KIF5B: variants seen among roughly 807,000 people sequenced by gnomAD.
KIF5B encodes the protein kinesin family member 5B.
Under a neutral mutation model 132.8 loss-of-function variants are expected in KIF5B, and 49 were observed. The ratio of observed to expected loss-of-function variants is 0.37; its 90% CI spans 0.29 to 0.47. The LOEUF (loss-of-function observed/expected upper bound fraction) is 0.47, where lower values mean the gene tolerates loss of function less well. Among genes scored for constraint, KIF5B ranks in the 20% least tolerant of loss-of-function variants. The probability of loss-of-function intolerance (pLI) is 1.00; values close to 1 mark genes in which losing one functional copy is unlikely to be tolerated. For synonymous variants in KIF5B, 355 were observed against 369.4 expected (o/e 0.96, Z 0.45); for missense variants, 780 against 1,144.0 (o/e 0.68, Z 4.59).
At chr10:32,045,761 C>CTCTA (rs1841599862) in intron 2 of KIF5B, among the ~76,000 whole-genome samples, 1 of 152,166 alleles carries the variant, frequency 6.6e-6, no homozygotes, top group Admixed American at 6.5e-5. Flanking sequence ...TGGGCAAATA[C>CTCTA]TAGAGTCATG....
intron 25 of KIF5B, among the ~76,000 whole-genome samples, chr10:32,013,107 G>A (rs1344542197): frequency 6.6e-6 from 1 of 151,936 alleles, no homozygotes; most frequent in Non-Finnish European, 1.5e-5. Context: ...CTCCGTGTTG[G>A]TCAGGCTGGT....
chr10:32,028,715 G>T, intron 14 of KIF5B, 144 bp from the exon 15 acceptor site: 1 of 629,516 alleles, frequency 1.6e-6, no homozygotes, highest in Non-Finnish European at 2.6e-6. Context: ...TATCTACCAG[G>T]TTCTGGGCTC....
chr10:32,026,437 C>CAAAAAAAAAA lies in KIF5B; in HGVS notation c.1725+1981_1725+1990dup, dbSNP rs71027049. Among the ~76,000 whole-genome samples the CAAAAAAAAAA allele has an allele frequency of 1.6e-3, 78 of 48,926 alleles. 6 individuals are homozygous for CAAAAAAAAAA. Among genetic ancestry groups the CAAAAAAAAAA allele is most frequent in the East Asian group, 5.0e-3 (6 of 1,202 alleles). The allele number at this position is 48,926 out of a possible 152,430, so 32.1% of individuals were successfully genotyped here. On this transcript the variant is annotated intron_variant, in intron 15 of 25. Coordinates refer to ENST00000302418, the MANE Select transcript of KIF5B (RefSeq NM_004521.3). ...TGGGAGACACAGTGAGATTCCGTCT[C>CAAAAAAAAAA]AAAAAAAAAAAAAAAAAAAAAAAAG... is the stretch of plus-strand genomic sequence containing the variant.
intron 24 of KIF5B, 81 bp from the exon 25 acceptor site, chr10:32,015,740 C>T (rs1841150549): frequency 1.7e-6 from 2 of 1,169,496 alleles, no homozygotes; most frequent in Non-Finnish European, 2.4e-6. Context: ...TTCTCTTATT[C>T]ACAACAAATT....
At chr10:32,032,815 C>A in intron 12 of KIF5B, 41 bp from the exon 13 acceptor site, 1 of 1,479,804 alleles carries the variant, frequency 6.8e-7, no homozygotes, top group Non-Finnish European at 9.5e-7. Flanking sequence ...AGCTAACAAC[C>A]TGGTTCTAGT....
chr10:32,042,729 T>A (rs1841559277), intron 2 of KIF5B, among the ~76,000 whole-genome samples: 1 of 152,202 alleles, frequency 6.6e-6, no homozygotes, highest in Admixed American at 6.5e-5. Flanking sequence ...TCTGAACAAG[T>A]ATTACTTCTT....
chr10:32,020,409 T>C (rs922525772), intron 19 of KIF5B, among the ~76,000 whole-genome samples: 4 of 151,374 alleles, frequency 2.6e-5, no homozygotes, highest in African/African-American at 7.3e-5. Flanking sequence ...TGAAAATCCA[T>C]AGAATTTCCA....
At position 32,022,942 on chromosome 10, in the gene KIF5B, C is replaced by T. The variant is rs1428925585; in HGVS notation, c.1820G>A (p.Arg607His). The T allele has an allele frequency of 2.5e-6, 4 of 1,613,190 alleles. No homozygotes were observed. Among genetic ancestry groups the T allele is most frequent in the African/African-American group, 2.7e-5 (2 of 74,882 alleles). Residue 607 changes from arginine (R) to histidine (H), a missense_variant, in exon 16 of 26, where the codon CGT becomes CAT. Coordinates refer to ENST00000302418, the MANE Select transcript of KIF5B (RefSeq NM_004521.3). ...MKSEVKTMVK[R>H]CKQLESTQTE... ...TTGTGTGCTTTCTAACTGCTTGCAA[C>T]GTTTCACCATGGTTTTTACTTCTGA... is the stretch of plus-strand genomic sequence containing the variant.
At chr10:32,023,195 G>A (rs563059799) in intron 15 of KIF5B, among the ~76,000 whole-genome samples, 159 bp from the exon 16 acceptor site, 2 of 151,864 alleles carry the variant, frequency 1.3e-5, no homozygotes, top group East Asian at 1.9e-4. Context: ...TGTTTTCAAC[G>A]AAAGGTAAAT....
intron 1 of KIF5B, among the ~76,000 whole-genome samples, chr10:32,052,515 ATACT>A (rs1011404778): frequency 1.4e-4 from 22 of 152,374 alleles, no homozygotes; most frequent in African/African-American, 4.8e-5. Flanking sequence ...ATTTGTAAAG[ATACT>A]TAATGATGCA....
intron 24 of KIF5B, among the ~76,000 whole-genome samples, chr10:32,016,084 C>T (rs533424157): frequency 6.6e-6 from 1 of 152,140 alleles, no homozygotes; most frequent in Non-Finnish European, 1.5e-5. Flanking sequence ...GCTGGGGCTG[C>T]AGTGAGCCAT....
chr10:32,021,090 A>T lies in KIF5B; in HGVS notation c.2136T>A (p.His712Gln). Residue 712 changes from histidine to glutamine, a missense_variant, in exon 19 of 26, where the codon CAT (histidine) becomes CAA (glutamine). This residue lies in a region of KIF5B where 471 missense variants were observed against 569.9 expected (regional missense o/e 0.83). Coordinates refer to ENST00000302418, the MANE Select transcript of KIF5B (RefSeq NM_004521.3). ...EQQIQSHRET[H>Q]QKQISSLRDE... The stretch of plus-strand genomic sequence containing the variant: ...CTCTCAAACTACTGATCTGTTTTTG[A>T]TGAGTTTCTCTATGGCTCTGGATCT... 6.2e-7 allele frequency: 1 copy of T among 1,613,772 alleles called. No homozygotes were observed. The highest frequency in any genetic ancestry group is 8.5e-7 in the Non-Finnish European group (1 of 1,179,900).
rs11539713 is a variant in KIF5B, at chr10:32,015,512, T to C, written c.*17A>G. On this transcript the variant is annotated 3_prime_UTR_variant, in exon 25 of 26. Coordinates refer to ENST00000302418, the MANE Select transcript of KIF5B (RefSeq NM_004521.3). ...AAGCCAGATATAAATAACAAACCTGTGGGTATGTATAAACGATTACACTTG... is the reference window on the plus strand; with the variant it reads ...AAGCCAGATATAAATAACAAACCTGCGGGTATGTATAAACGATTACACTTG... 0.073 allele frequency: 112,604 copies of C among 1,552,588 alleles called. 4,607 individuals carry two copies. The highest frequency in any genetic ancestry group is 0.081 in the Non-Finnish European group (92,810 of 1,149,086).
intron 1 of KIF5B, among the ~76,000 whole-genome samples, chr10:32,049,869 T>C (rs780550080): frequency 2.1e-4 from 32 of 151,968 alleles, no homozygotes; most frequent in African/African-American, 5.8e-4. Context: ...TTGGAATGGA[T>C]TGAAAAAGAA....
At chr10:32,036,279 T>C (rs528954368) in intron 8 of KIF5B, among the ~76,000 whole-genome samples, 28 of 152,330 alleles carry the variant, frequency 1.8e-4, no homozygotes, top group South Asian at 1.2e-3. Context: ...TTTGCTACAT[T>C]AGAAAACAGG....
chr10:32,022,232 G>A lies in KIF5B; in HGVS notation c.1940C>T (p.Thr647Ile), dbSNP rs1592440710. The A allele has an allele frequency of 6.2e-7, 1 of 1,611,104 alleles. No homozygotes were observed. Among genetic ancestry groups the A allele is most frequent in the Non-Finnish European group, 8.5e-7 (1 of 1,178,430 alleles). Residue 647 changes from threonine (T) to isoleucine (I), a missense_variant, in exon 17 of 26, where the codon ACT becomes ATT. Thr to Ile is a moderately conservative substitution (Grantham distance 89). Around this residue, in one of 9 missense-constraint regions of KIF5B, gnomAD observed 471 missense variants for 569.9 expected, o/e 0.83. Transcript: ENST00000302418. ...SQHEAKIKSL[T>I]EYLQNVEQKK... is the part of the protein sequence containing the mutation. ...TTGTTCCACATTTTGAAGGTATTCA[G>A]TCAATGACTTGATTTTGGCTTCATG...
At chr10:32,023,612 C>T (rs1176115988) in intron 15 of KIF5B, among the ~76,000 whole-genome samples, 1 of 152,188 alleles carries the variant, frequency 6.6e-6, no homozygotes, top group African/African-American at 2.4e-5. Flanking sequence ...CAGGACTTGA[C>T]ACTATGCAAC....
intron 14 of KIF5B, among the ~76,000 whole-genome samples, 196 bp downstream of exon 14, chr10:32,030,877 C>A (rs1380485209): frequency 6.6e-6 from 1 of 152,016 alleles, no homozygotes; most frequent in Non-Finnish European, 1.5e-5. Flanking sequence ...ATTAACAGAC[C>A]TTTAGGAACT....
At chr10:32,035,770 C>CA (rs1194411478) in intron 9 of KIF5B, 103 bp from the exon 10 acceptor site, 1 of 1,310,660 alleles carries the variant, frequency 7.6e-7, no homozygotes, top group African/African-American at 1.5e-5. Flanking sequence ...GATTCAAACA[C>CA]ATTGAATCTC....
Sources: allele counts gnomAD v4.1 joint callset (sites outside exome capture counted in the v4.1 genomes callset), GRCh38; gene constraint gnomAD v4.1.1; regional missense constraint gnomAD v4.1.1; transcripts MANE v1.5; gene names NCBI Gene and HGNC (gene_info 2026-07-23, HGNC 2026-07-21).